The following KANK1 variants were observed in gnomAD, a reference collection of about 807,000 sequenced individuals.
KANK1 encodes KN motif and ankyrin repeat domain-containing protein 1.
A neutral mutation model predicts 106.2 loss-of-function variants in KANK1; 109 were observed. That is an observed-to-expected ratio of 1.03 (90% confidence interval 0.88 to 1.20). The LOEUF (loss-of-function observed/expected upper bound fraction) is 1.20, where lower values mean the gene tolerates loss of function less well. Among genes scored for constraint, KANK1 ranks in the 50% most tolerant of loss-of-function variants. KANK1 has a pLI of 0.00. For missense variants in KANK1, 2,399 were observed against 1,710.7 expected (o/e 1.40, Z -7.10); for synonymous variants, 873 against 652.2 (o/e 1.34, Z -5.16).
chr9:628,436 A>G (rs975470498), intron 1 of KANK1, among the ~76,000 whole-genome samples: 1 of 152,174 alleles, frequency 6.6e-6, no homozygotes, highest in Admixed American at 6.5e-5. Flanking sequence ...ATATTCACAG[A>G]TGTACGTATT....
At chr9:618,203 G>C (rs186692645) in intron 1 of KANK1, among the ~76,000 whole-genome samples, 1 of 152,048 alleles carries the variant, frequency 6.6e-6, no homozygotes, top group African/African-American at 2.4e-5. Context: ...TCTAATTCCA[G>C]ATCACATTTA....
chr9:681,210 C>T (rs189505791), intron 2 of KANK1, among the ~76,000 whole-genome samples: 1 of 152,090 alleles, frequency 6.6e-6, no homozygotes, highest in Non-Finnish European at 1.5e-5. Context: ...CAGAGCCAGA[C>T]CCTATCTCTA....
chr9:577,177 C>A (rs1010431901), intron 1 of KANK1, among the ~76,000 whole-genome samples: 1 of 152,192 alleles, frequency 6.6e-6, no homozygotes, highest in East Asian at 1.9e-4. Context: ...GGAACCCAAG[C>A]GGGTTGCCTC....
intron 3 of KANK1, among the ~76,000 whole-genome samples, chr9:727,719 T>TA (rs1491114980): frequency 6.7e-6 from 1 of 150,000 alleles, no homozygotes; most frequent in East Asian, 1.9e-4. Flanking sequence ...TGTGTGTGTA[T>TA]GTGTGTGTGT....
At chr9:628,414 G>A (rs188140504) in intron 1 of KANK1, among the ~76,000 whole-genome samples, 3 of 152,288 alleles carry the variant, frequency 2.0e-5, no homozygotes, top group East Asian at 3.9e-4. Context: ...AGTAGGGGGG[G>A]TTCCTGTATT....
At chr9:602,289 C>T (rs13290783) in intron 1 of KANK1, among the ~76,000 whole-genome samples, 51,740 of 151,568 alleles carry the variant, frequency 0.34, 10,908 homozygotes, top group South Asian at 0.55. Context: ...GAGACGGAGT[C>T]TCGCTCTGTT....
chr9:655,066 A>G (rs1841820042), intron 1 of KANK1, among the ~76,000 whole-genome samples: 8 of 152,086 alleles, frequency 5.3e-5, no homozygotes, highest in Admixed American at 5.2e-4. Flanking sequence ...TGAGACCTAG[A>G]CAGTAATTCT....
At chr9:606,606 G>A (rs1260908242) in intron 1 of KANK1, among the ~76,000 whole-genome samples, 6 of 135,636 alleles carry the variant, frequency 4.4e-5, no homozygotes, top group South Asian at 2.7e-4. Flanking sequence ...ATATGTGTGT[G>A]TGTGTGTGTA....
intron 1 of KANK1, among the ~76,000 whole-genome samples, chr9:530,145 A>G (rs1177334570): frequency 6.6e-6 from 1 of 152,226 alleles, no homozygotes; most frequent in Non-Finnish European, 1.5e-5. Context: ...CCTAAGGGAA[A>G]TAAGCCCCTC....
At chr9:516,630 G>T (rs554460839) in intron 1 of KANK1, among the ~76,000 whole-genome samples, 2 of 151,544 alleles carry the variant, frequency 1.3e-5, no homozygotes, top group Non-Finnish European at 2.9e-5. Context: ...ATGTGGGTGC[G>T]AAGTGCAGTG....
chr9:744,573 C>CA lies in KANK1; in HGVS notation c.3984dup (p.Ala1329SerfsTer8). The CA allele has an allele frequency of 1.2e-6, 2 of 1,614,156 alleles. No individual in the cohort carries two copies. Among genetic ancestry groups the CA allele is most frequent in the Non-Finnish European group, 1.7e-6 (2 of 1,180,018 alleles). ...CTTCTGTATGCCCATGTCAACTTTG[C>CA]AAAAGCCCAGTCTCCGGTCAGTGTT... On this transcript the variant is annotated frameshift_variant, in exon 11 of 12. Transcript: ENST00000382297. LOFTEE classifies it high-confidence loss of function.
chr9:600,659 T>TG (rs1162605862), intron 1 of KANK1, among the ~76,000 whole-genome samples: 1 of 151,804 alleles, frequency 6.6e-6, no homozygotes, highest in Non-Finnish European at 1.5e-5. Flanking sequence ...CTTGCACACT[T>TG]GCCCTCCATA....
intron 1 of KANK1, among the ~76,000 whole-genome samples, chr9:574,422 C>T (rs1304410856): frequency 7.3e-6 from 1 of 136,984 alleles, no homozygotes; most frequent in Non-Finnish European, 1.5e-5. Context: ...GTATGGGGTG[C>T]TCTGGGAAAA....
At chr9:525,855 C>T (rs373230422) in intron 1 of KANK1, among the ~76,000 whole-genome samples, 9 of 151,522 alleles carry the variant, frequency 5.9e-5, no homozygotes, top group African/African-American at 2.2e-4. Context: ...TCACAAGGAC[C>T]TCTTGGAAAA....
In KANK1 at chr9:625,771, C is replaced by T. The variant is rs535839730; in HGVS notation, c.-83-51119C>T. 2.6e-4 allele frequency among the ~76,000 whole-genome samples: 39 copies of T among 152,276 alleles called. 1 individual carries two copies. Among genetic ancestry groups the T allele is most frequent in the South Asian group, 8.3e-4 (4 of 4,828 alleles). ...CTCCTTGATCAAACATGGACCTGTG[C>T]TTTAAAAAGCTGAGCCCCTGAGTTT... On this transcript the variant is annotated intron_variant, in intron 1 of 11. Coordinates refer to ENST00000382297, the MANE Select transcript of KANK1 (RefSeq NM_015158.5).
intron 2 of KANK1, among the ~76,000 whole-genome samples, chr9:694,217 A>G (rs183154437): frequency 2.6e-4 from 40 of 152,244 alleles, no homozygotes; most frequent in Admixed American, 2.2e-3. Flanking sequence ...CTAGCTTTCC[A>G]CTACCACCCC....
chr9:623,188 G>A (rs1345909887), intron 1 of KANK1, among the ~76,000 whole-genome samples: 1 of 151,940 alleles, frequency 6.6e-6, no homozygotes, highest in Non-Finnish European at 1.5e-5. Context: ...CATAATATAC[G>A]AGAAACTCGT....
At chr9:493,089 C>G (rs573679573) in intron 3 of KANK1, among the ~76,000 whole-genome samples, 19 of 151,032 alleles carry the variant, frequency 1.3e-4, no homozygotes, top group South Asian at 2.1e-4. Flanking sequence ...CTCCCTGTCT[C>G]TGAATATTCA....
intron 1 of KANK1, among the ~76,000 whole-genome samples, chr9:632,017 GAGTACAAAGACTGTGT>G: frequency 6.6e-6 from 1 of 152,166 alleles, no homozygotes. Context: ...TGTATTGCAT[GAGTACAAAGACTGTGT>G]CATTAATCCC....
Sources: gnomAD v4.1 joint callset for allele counts (sites outside exome capture counted in the v4.1 genomes callset) on GRCh38, gnomAD v4.1.1 for gene constraint, MANE v1.5 for transcripts, NCBI Gene and HGNC (gene_info 2026-07-23, HGNC 2026-07-21) for gene names.